The following PALLD variants were observed in gnomAD, a reference collection of about 807,000 sequenced individuals.
The protein encoded by PALLD is palladin.
A neutral mutation model predicts 123.5 loss-of-function variants in PALLD; 61 were observed. That is an observed-to-expected ratio of 0.49 (90% CI 0.40 to 0.61). The LOEUF (loss-of-function observed/expected upper bound fraction) is 0.61. PALLD is among the 20% of genes least tolerant of loss of function. The pLI is 0.00. For missense variants in PALLD, 1,273 were observed against 1,377.0 expected (o/e 0.92, Z 1.20); for synonymous variants, 465 against 496.4 (o/e 0.94, Z 0.84).
At chr4:168,744,477 A>G (rs937897675) in intron 10 of PALLD, among the ~76,000 whole-genome samples, 1 of 131,734 alleles carries the variant, frequency 7.6e-6, no homozygotes, top group African/African-American at 3.0e-5. Flanking sequence ...GAGCCAAGAC[A>G]AGGTGTCTGG....
At chr4:168,914,736 G>A (rs1456061317) in intron 16 of PALLD, among the ~76,000 whole-genome samples, 2 of 152,216 alleles carry the variant, frequency 1.3e-5, no homozygotes, top group Admixed American at 1.3e-4. Context: ...AAATAGTCCT[G>A]AGTCTAAATT....
intron 2 of PALLD, among the ~76,000 whole-genome samples, chr4:168,526,600 A>C (rs1580138079): frequency 6.6e-6 from 1 of 152,196 alleles, no homozygotes; most frequent in South Asian, 2.1e-4. Context: ...ACAGAAACAC[A>C]ATTTAGTTTT....
At chr4:168,552,571 C>T (rs1259241753) in intron 2 of PALLD, among the ~76,000 whole-genome samples, 2 of 152,200 alleles carry the variant, frequency 1.3e-5, no homozygotes, top group East Asian at 1.9e-4. Flanking sequence ...ACCCCCTATA[C>T]AGGAAGAAAG....
chr4:168,509,362 T>C (rs57006399), intron 1 of PALLD, among the ~76,000 whole-genome samples: 1 of 152,126 alleles, frequency 6.6e-6, no homozygotes, highest in African/African-American at 2.4e-5. Flanking sequence ...TATTACTGAT[T>C]TTTTCAATTG....
intron 2 of PALLD, among the ~76,000 whole-genome samples, chr4:168,537,060 T>C (rs1765171672): frequency 6.6e-6 from 1 of 152,142 alleles, no homozygotes; most frequent in Non-Finnish European, 1.5e-5. Context: ...CTCCTGACCT[T>C]GTGATCCGCT....
At chr4:168,757,562 T>C (rs1368832835) in intron 10 of PALLD, among the ~76,000 whole-genome samples, 1 of 152,254 alleles carries the variant, frequency 6.6e-6, no homozygotes. Context: ...ATGAGCATTA[T>C]GATTATTTTC....
At chr4:168,526,094 A>AG (rs1253760360) in intron 2 of PALLD, among the ~76,000 whole-genome samples, 1 of 152,190 alleles carries the variant, frequency 6.6e-6, no homozygotes, top group Non-Finnish European at 1.5e-5. Flanking sequence ...AACATGGCCT[A>AG]GGAGCAGCCC....
At chr4:168,889,138 T>TTGTGTGTGTGTGTGTG (rs143065658) in intron 10 of PALLD, among the ~76,000 whole-genome samples, 1,916 of 132,208 alleles carry the variant, frequency 0.014, 25 homozygotes, top group Middle Eastern at 0.028. Context: ...TTGCTTTATT[T>TTGTGTGTGTGTGTGTG]TGTGTGTGTG....
chr4:168,891,128 T>G, intron 11 of PALLD, 71 bp downstream of exon 11: 4 of 1,454,586 alleles, frequency 2.7e-6, no homozygotes, highest in Non-Finnish European at 2.9e-6. Flanking sequence ...TCTCTAAGAC[T>G]TAGGTTCTTG....
chr4:168,795,386 G>A (rs889538206), intron 10 of PALLD, among the ~76,000 whole-genome samples: 1 of 152,158 alleles, frequency 6.6e-6, no homozygotes, highest in African/African-American at 2.4e-5. Context: ...TGCATAATAG[G>A]TGTTGTTTGG....
intron 10 of PALLD, among the ~76,000 whole-genome samples, chr4:168,882,522 G>A (rs1159467934): frequency 6.6e-6 from 1 of 152,132 alleles, no homozygotes; most frequent in East Asian, 1.9e-4. Flanking sequence ...AGTAACCAGT[G>A]AAAAAGAATC....
chr4:168,837,894 G>A (rs777636622), intron 10 of PALLD, among the ~76,000 whole-genome samples: 1 of 152,292 alleles, frequency 6.6e-6, no homozygotes, highest in East Asian at 1.9e-4. Context: ...GAGATGAACA[G>A]TAAGCAAAAC....
intron 2 of PALLD, among the ~76,000 whole-genome samples, chr4:168,664,539 A>G (rs562490896): frequency 6.6e-6 from 1 of 152,328 alleles, no homozygotes; most frequent in African/African-American, 2.4e-5. Flanking sequence ...CTCAGTGAAT[A>G]AAATTGAAAC....
intron 10 of PALLD, among the ~76,000 whole-genome samples, chr4:168,857,798 C>G (rs1464912410): frequency 6.6e-6 from 1 of 152,194 alleles, no homozygotes; most frequent in East Asian, 1.9e-4. Flanking sequence ...TGGTCAGAAC[C>G]AGTATTACAA....
chr4:168,815,036 G>C (rs140794702), intron 10 of PALLD, among the ~76,000 whole-genome samples: 9,197 of 152,286 alleles, frequency 0.06, 376 homozygotes, highest in South Asian at 0.17. Context: ...CTCCCAAAGC[G>C]CTGGGATTAT....
chr4:168,521,555 AGTTTATT>A (rs1763566436), intron 2 of PALLD, among the ~76,000 whole-genome samples: 1 of 152,344 alleles, frequency 6.6e-6, no homozygotes, highest in Admixed American at 6.5e-5. Context: ...TTACTTTTAT[AGTTTATT>A]GTTATTGACT....
chr4:168,906,749 CA>C (rs984843687), intron 15 of PALLD, among the ~76,000 whole-genome samples: 2 of 152,024 alleles, frequency 1.3e-5, no homozygotes, highest in African/African-American at 2.4e-5. Context: ...CTCAGCCTCC[CA>C]AAGCACTGGA....
intron 1 of PALLD, among the ~76,000 whole-genome samples, chr4:168,497,816 G>A (rs950878650): frequency 8.5e-5 from 13 of 152,172 alleles, no homozygotes; most frequent in Non-Finnish European, 1.3e-4. Context: ...GTCCAGTCAA[G>A]TTTAAACATC....
At chr4:168,643,336 A>G (rs181484021) in intron 2 of PALLD, among the ~76,000 whole-genome samples, 1 of 152,264 alleles carries the variant, frequency 6.6e-6, no homozygotes, top group East Asian at 1.9e-4. Context: ...TGGTTTTGAT[A>G]TTTCAGTTAC....
Sources: allele counts gnomAD v4.1 joint callset (sites outside exome capture counted in the v4.1 genomes callset), GRCh38; gene constraint gnomAD v4.1.1; transcripts MANE v1.5; gene names NCBI Gene and HGNC (gene_info 2026-07-23, HGNC 2026-07-21).